SLC39A12: variants seen among roughly 807,000 people sequenced by gnomAD.
SLC39A12 encodes solute carrier family 39 member 12.
A neutral mutation model predicts 71.1 loss-of-function variants in SLC39A12; 63 were observed. The ratio of observed to expected loss-of-function variants is 0.89; its 90% CI spans 0.72 to 1.09. SLC39A12 has a LOEUF of 1.09. Ranked by LOEUF, SLC39A12 falls within the 50% of genes least tolerant of loss-of-function variation. SLC39A12 has a pLI of 0.00. For synonymous variants in SLC39A12, 351 were observed against 301.3 expected, an observed-to-expected ratio of 1.16 and a Z score of -1.71; for missense variants, 892 against 812.6, an observed-to-expected ratio of 1.10 and a Z score of -1.19.
chr10:18,001,394 AC>A (rs779488250), intron 11 of SLC39A12, among the ~76,000 whole-genome samples: 6 of 152,108 alleles, frequency 3.9e-5, no homozygotes, highest in Admixed American at 6.5e-5. Flanking sequence ...CAGGCCTGTA[AC>A]CCCAGCTACT....
chr10:17,989,748 G>A (rs1400551095), intron 7 of SLC39A12, among the ~76,000 whole-genome samples: 7 of 152,124 alleles, frequency 4.6e-5, no homozygotes, highest in East Asian at 1.9e-4. Context: ...GTGAAACCCC[G>A]TCTCTACTAA....
At chr10:17,979,666 G>C (rs1375867259) in intron 5 of SLC39A12, among the ~76,000 whole-genome samples, 1 of 152,210 alleles carries the variant, frequency 6.6e-6, no homozygotes, top group African/African-American at 2.4e-5. Context: ...GATGCTTTCT[G>C]TAGCAGAAAA....
At chr10:18,036,765 TATATATATATATA>T (rs1837042662) in intron 12 of SLC39A12, among the ~76,000 whole-genome samples, 1 of 15,412 alleles carries the variant, frequency 6.5e-5, no homozygotes, top group African/African-American at 1.7e-4. Flanking sequence ...TATATATATA[TATATATATATATA>T]TATATATATA....
intron 4 of SLC39A12, among the ~76,000 whole-genome samples, chr10:17,974,839 A>G (rs985455777): frequency 6.6e-6 from 1 of 152,014 alleles, no homozygotes; most frequent in Non-Finnish European, 1.5e-5. Flanking sequence ...CTTGTGTTCT[A>G]CTCTTCAGGG....
At chr10:17,987,100 G>T (rs903506094) in intron 6 of SLC39A12, among the ~76,000 whole-genome samples, 4 of 152,092 alleles carry the variant, frequency 2.6e-5, no homozygotes, top group Admixed American at 1.3e-4. Context: ...AGGCTGAGAC[G>T]AGTGGATTGC....
chr10:17,952,323 G>C (rs1254635407), intron 1 of SLC39A12, among the ~76,000 whole-genome samples: 5 of 152,046 alleles, frequency 3.3e-5, no homozygotes, highest in African/African-American at 1.2e-4. Context: ...GTGTGTGTGT[G>C]TGTGTCATGT....
chr10:17,987,320 C>G (rs982819996), intron 6 of SLC39A12, among the ~76,000 whole-genome samples, 159 bp from the exon 7 acceptor site: 1 of 152,112 alleles, frequency 6.6e-6, no homozygotes, highest in Non-Finnish European at 1.5e-5. Context: ...GGGTGACAGA[C>G]AGAGAGCCTG....
chr10:18,037,444 T>A (rs910661052), intron 12 of SLC39A12, among the ~76,000 whole-genome samples: 15 of 152,190 alleles, frequency 9.9e-5, no homozygotes, highest in South Asian at 4.1e-4. Context: ...GTTCTTTGTA[T>A]GTTCACTACA....
intron 2 of SLC39A12, among the ~76,000 whole-genome samples, chr10:17,960,871 C>A (rs1834671057): frequency 6.6e-6 from 1 of 152,140 alleles, no homozygotes; most frequent in African/African-American, 2.4e-5. Context: ...ATTTTGATTA[C>A]ATGGTAAAAT....
chr10:18,022,316 TA>T (rs944867183), intron 12 of SLC39A12, among the ~76,000 whole-genome samples: 2 of 152,100 alleles, frequency 1.3e-5, no homozygotes, highest in African/African-American at 4.8e-5. Flanking sequence ...AGGTTTTGTT[TA>T]TTTTTTTTTT....
chr10:18,037,307 A>C (rs557664848), intron 12 of SLC39A12, among the ~76,000 whole-genome samples: 1 of 152,312 alleles, frequency 6.6e-6, no homozygotes, highest in South Asian at 2.1e-4. Flanking sequence ...TTTATGCTTA[A>C]TAGGACATTT....
rs1425512947 is a variant in SLC39A12, at chr10:18,036,761, TATATATATATATATATATATATATATATA to T, written c.1948-5943_1948-5915del. Among the ~76,000 whole-genome samples, 9 of 7,248 alleles carry T rather than the reference TATATATATATATATATATATATATATATA, an allele frequency of 1.2e-3. 1 individual carries two copies. The highest frequency in any genetic ancestry group is 2.0e-3 in the Non-Finnish European group (6 of 2,980). 4.8% of individuals were successfully genotyped at this position (7,248 alleles called of 152,430 possible). ...ATTTTAAAAATTATATATATATATA[TATATATATATATATATATATATATATATA>T]TATATTTTTTTTTTTAATGGAATCT... On this transcript the variant is annotated intron_variant, in intron 12 of 12. Transcript: ENST00000377369.
intron 2 of SLC39A12, among the ~76,000 whole-genome samples, chr10:17,956,266 G>A (rs1554847769): frequency 6.6e-6 from 1 of 152,122 alleles, no homozygotes; most frequent in Non-Finnish European, 1.5e-5. Flanking sequence ...TATGTCCCAG[G>A]AAGATCTCTG....
In SLC39A12 at chr10:17,987,027, C is replaced by A. The variant is rs1166756674; in HGVS notation, c.1097-452C>A. On this transcript the variant is annotated intron_variant, in intron 6 of 12. Coordinates refer to ENST00000377369, the MANE Select transcript of SLC39A12 (RefSeq NM_001145195.2). ...CTCAAAAACAACAAAAACAACAAAA[C>A]GCTTATTTAAAAATTCCAAGTTGGG... 3.9e-5 allele frequency among the ~76,000 whole-genome samples: 6 copies of A among 152,186 alleles called. No homozygotes were observed. In the East Asian group the frequency reaches 9.7e-4, roughly 25 times the overall value.
At chr10:17,992,502 TAA>T (rs1334821706) in intron 8 of SLC39A12, among the ~76,000 whole-genome samples, 1 of 152,208 alleles carries the variant, frequency 6.6e-6, no homozygotes, top group East Asian at 1.9e-4. Flanking sequence ...GTACTTACCC[TAA>T]AAGTTTAGGA....
chr10:17,997,480 G>C (rs7078713), intron 10 of SLC39A12, among the ~76,000 whole-genome samples: 47,459 of 151,926 alleles, frequency 0.31, 8,118 homozygotes, highest in Non-Finnish European at 0.39. Flanking sequence ...CACATAGTAG[G>C]TCTGCAATAG....
chr10:18,006,130 C>G (rs1284766423), intron 12 of SLC39A12, among the ~76,000 whole-genome samples: 1 of 152,164 alleles, frequency 6.6e-6, no homozygotes, highest in Non-Finnish European at 1.5e-5. Context: ...ATTGCTAAAT[C>G]CTGGATATTG....
chr10:17,981,515 T>C, intron 6 of SLC39A12, 32 bp downstream of exon 6: 1 of 1,554,446 alleles, frequency 6.4e-7, no homozygotes. Context: ...AGAAAGCTGA[T>C]GTGCACAATG....
chr10:17,993,098 A>T, intron 8 of SLC39A12, 83 bp from the exon 9 acceptor site: 1 of 934,962 alleles, frequency 1.1e-6, no homozygotes, highest in South Asian at 1.9e-5. Flanking sequence ...GCCAATAGGC[A>T]ATGGAATGGA....
Sources: allele counts gnomAD v4.1 joint callset (sites outside exome capture counted in the v4.1 genomes callset), GRCh38; gene constraint gnomAD v4.1.1; transcripts MANE v1.5; gene names NCBI Gene and HGNC (gene_info 2026-07-23, HGNC 2026-07-21).